Variants in AGO2 observed in about 807,000 individuals in gnomAD.
AGO2 encodes the protein protein argonaute-2.
A neutral mutation model predicts 102.3 loss-of-function variants in AGO2; 5 were observed. The ratio of observed to expected loss-of-function variants is 0.05; its 90% confidence interval spans 0.03 to 0.10. The LOEUF is 0.10. Among genes scored for constraint, AGO2 ranks in the 10% least tolerant of loss-of-function variants. AGO2 has a pLI of 1.00. For missense variants in AGO2, 541 were observed against 1,183.7 expected, an observed-to-expected ratio of 0.46 and a Z score of 7.97; for synonymous variants, 449 against 473.1, an observed-to-expected ratio of 0.95 and a Z score of 0.66.
At chr8:140,588,859 G>A (rs1051213282) in intron 1 of AGO2, among the ~76,000 whole-genome samples, 7 of 152,204 alleles carry the variant, frequency 4.6e-5, no homozygotes, top group East Asian at 1.9e-4. Flanking sequence ...GGAACCCAGC[G>A]CAGCGTCATG....
intron 2 of AGO2, among the ~76,000 whole-genome samples, chr8:140,577,235 T>C (rs1416969825): frequency 4.4e-5 from 5 of 113,906 alleles, no homozygotes; most frequent in African/African-American, 1.6e-4. Flanking sequence ...AAAAGAAACA[T>C]GCCTGGGGAA....
upstream of AGO2, among the ~76,000 whole-genome samples, chr8:140,638,513 G>C (rs1044377293): frequency 1.3e-5 from 2 of 152,182 alleles, no homozygotes; most frequent in Non-Finnish European, 2.9e-5. Flanking sequence ...AAGGTTCCGT[G>C]GAGCATAATT....
intron 1 of AGO2, among the ~76,000 whole-genome samples, chr8:140,600,668 GAAAC>G: frequency 6.8e-6 from 1 of 146,266 alleles, no homozygotes; most frequent in Admixed American, 6.7e-5. Context: ...CAACAAGAGC[GAAAC>G]TCCGTGTCAA....
intron 1 of AGO2, among the ~76,000 whole-genome samples, chr8:140,598,761 A>C (rs1480744108): frequency 1.3e-5 from 2 of 152,210 alleles, no homozygotes; most frequent in African/African-American, 4.8e-5. Flanking sequence ...CACCTGCCCC[A>C]ACAGGGCAGA....
chr8:140,630,600 C>A (rs989288300), intron 1 of AGO2, among the ~76,000 whole-genome samples: 1 of 152,202 alleles, frequency 6.6e-6, no homozygotes, highest in African/African-American at 2.4e-5. Flanking sequence ...CAACCACAGG[C>A]AGCACAGAGC....
chr8:140,574,865 T>G (rs1256601266), intron 2 of AGO2, among the ~76,000 whole-genome samples: 1 of 152,178 alleles, frequency 6.6e-6, no homozygotes, highest in African/African-American at 2.4e-5. Flanking sequence ...GTCTTTCTCT[T>G]GGGCAGAGCC....
chr8:140,556,336 A>G (rs763793209), intron 8 of AGO2, 50 bp from the exon 9 acceptor site: 1 of 1,603,252 alleles, frequency 6.2e-7, no homozygotes, highest in East Asian at 2.2e-5. Flanking sequence ...TGGAGTGACC[A>G]GGGGAGCAGG....
Position 140,635,547 on chromosome 8 carries a change from C to G in AGO2, c.-41G>C, listed in dbSNP as rs1218091212. 1 of 978,436 alleles carries G rather than the reference C, an allele frequency of 1.0e-6. No individual in the cohort carries two copies. The allele number at this position is 978,436 out of a possible 1,614,324, so 60.6% of individuals were successfully genotyped here. A position where few individuals can be genotyped will look rare whatever the true frequency, so the allele number is the denominator to read the frequency against. ...GGGCTCCGGGGCCGAGGGGCGGCCG[C>G]GCGCGCGCCACGGGCCCCGACGCCG... On this transcript the variant is annotated 5_prime_UTR_variant, in exon 1 of 19. Coordinates refer to ENST00000220592, the MANE Select transcript of AGO2 (RefSeq NM_012154.5).
intron 1 of AGO2, among the ~76,000 whole-genome samples, chr8:140,610,051 A>G (rs1478537234): frequency 7.4e-6 from 1 of 134,306 alleles, no homozygotes; most frequent in Non-Finnish European, 1.6e-5. Flanking sequence ...AAAAAAAAAA[A>G]AAGAAAAGCC....
At chr8:140,573,007 C>CT in intron 2 of AGO2, 75 bp from the exon 3 acceptor site, 1 of 1,436,268 alleles carries the variant, frequency 7.0e-7, no homozygotes, top group South Asian at 1.4e-5. Context: ...TTTTCTGACG[C>CT]TATTTTTTTT....
At chr8:140,554,787 G>A (rs2073066015) in intron 10 of AGO2, among the ~76,000 whole-genome samples, 1 of 151,994 alleles carries the variant, frequency 6.6e-6, no homozygotes, top group Admixed American at 6.6e-5. Flanking sequence ...CACCTCCCGG[G>A]TTCAAGGGAT....
At chr8:140,580,364 C>T (rs1036894633) in intron 2 of AGO2, among the ~76,000 whole-genome samples, 4 of 152,222 alleles carry the variant, frequency 2.6e-5, no homozygotes, top group Non-Finnish European at 5.9e-5. Context: ...CTGTGTTGGA[C>T]TCATTAAACA....
chr8:140,596,900 C>T (rs1191373382), intron 1 of AGO2, among the ~76,000 whole-genome samples: 3 of 152,152 alleles, frequency 2.0e-5, no homozygotes, highest in African/African-American at 7.2e-5. Context: ...CAACCCTGTC[C>T]GGGAGAACTC....
intron 1 of AGO2, among the ~76,000 whole-genome samples, chr8:140,599,615 C>A (rs765574158): frequency 3.9e-5 from 6 of 152,310 alleles, no homozygotes; most frequent in African/African-American, 1.4e-4. Context: ...CACGCTCACC[C>A]GGGGTGCTCA....
At chr8:140,566,685 C>T (rs531607004) in intron 3 of AGO2, among the ~76,000 whole-genome samples, 141 of 151,902 alleles carry the variant, frequency 9.3e-4, no homozygotes, top group African/African-American at 3.3e-3. Context: ...TGAGGCGCCC[C>T]GGGCCAGGTG....
chr8:140,553,998 A>G (rs1416897502), intron 10 of AGO2, among the ~76,000 whole-genome samples: 2 of 152,230 alleles, frequency 1.3e-5, no homozygotes, highest in African/African-American at 4.8e-5. Context: ...CGCAGCACCC[A>G]GCCTACAAGC....
At chr8:140,538,446 A>C (rs1157594982) in intron 16 of AGO2, among the ~76,000 whole-genome samples, 2 of 152,160 alleles carry the variant, frequency 1.3e-5, no homozygotes, top group Non-Finnish European at 2.9e-5. Flanking sequence ...TACTTATCCT[A>C]CTAGGAATAC....
intron 1 of AGO2, among the ~76,000 whole-genome samples, chr8:140,630,179 T>A: frequency 6.6e-6 from 1 of 152,212 alleles, no homozygotes; most frequent in Admixed American, 6.5e-5. Context: ...GTTTAAAATG[T>A]TCCAGCCTGT....
At chr8:140,624,670 C>G (rs1435768420) in intron 1 of AGO2, among the ~76,000 whole-genome samples, 1 of 152,256 alleles carries the variant, frequency 6.6e-6, no homozygotes, top group African/African-American at 2.4e-5. Context: ...CAACGGGCAA[C>G]TCTGGCACCG....
Sources: gnomAD v4.1 joint callset for allele counts (sites outside exome capture counted in the v4.1 genomes callset) on GRCh38, gnomAD v4.1.1 for gene constraint, MANE v1.5 for transcripts, NCBI Gene and HGNC (gene_info 2026-07-23, HGNC 2026-07-21) for gene names.